Variants in SH3BGRL2 observed in about 807,000 individuals in gnomAD.
SH3BGRL2 encodes SH3 domain-binding glutamic acid-rich-like protein 2.
SH3BGRL2 carries 21 observed loss-of-function variants against 14.8 expected under a neutral mutation model. That is an observed-to-expected ratio of 1.42 (90% CI 1.01 to 2.05). SH3BGRL2 has a LOEUF of 2.05. Among genes scored for constraint, SH3BGRL2 ranks in the 30% most tolerant of loss-of-function variants. SH3BGRL2 has a pLI of 0.00. For synonymous variants in SH3BGRL2, 50 were observed against 47.8 expected (o/e 1.05, Z -0.19); for missense variants, 147 against 130.8 (o/e 1.12, Z -0.61).
At chr6:79,585,382 A>T in the SH3BGRL2 span, among the ~76,000 whole-genome samples, 1 of 152,172 alleles carries the variant, frequency 6.6e-6, no homozygotes, top group African/African-American at 2.4e-5. Context: ...TCAGAAAAAA[A>T]TTTGTCTAGT....
intron 1 of SH3BGRL2, among the ~76,000 whole-genome samples, chr6:79,665,060 C>T (rs1335785923): frequency 2.6e-5 from 4 of 152,056 alleles, no homozygotes; most frequent in Middle Eastern, 3.2e-3. Context: ...ATTAGCAAGG[C>T]GTCGTGGCGG....
At chr6:79,553,963 GTC>G in the SH3BGRL2 span, among the ~76,000 whole-genome samples, 1 of 137,336 alleles carries the variant, frequency 7.3e-6, no homozygotes, top group Non-Finnish European at 1.6e-5. Flanking sequence ...GCGAGACTCT[GTC>G]TCAAAAAAAA....
the SH3BGRL2 span, among the ~76,000 whole-genome samples, chr6:79,558,092 C>A: frequency 6.6e-6 from 1 of 152,154 alleles, no homozygotes; most frequent in Non-Finnish European, 1.5e-5. Flanking sequence ...CATTGTTTTG[C>A]TGTGACAGTC....
rs188075528 is a variant in SH3BGRL2, at chr6:79,683,727, G to A, written c.231+9928G>A. Among the ~76,000 whole-genome samples, 619 of 152,308 alleles carry A rather than the reference G, an allele frequency of 4.1e-3. 2 individuals carry two copies. Among genetic ancestry groups the A allele is most frequent in the African/African-American group, 7.5e-3 (311 of 41,566 alleles). Reference sequence around the variant, plus strand: ...CTCCCAAAGTGCTGGGATTACAGGCGTGAGCCACCGTGCTCGGCCGTAAAC... The same window carrying A: ...CTCCCAAAGTGCTGGGATTACAGGCATGAGCCACCGTGCTCGGCCGTAAAC... On this transcript the variant is annotated intron_variant, in intron 2 of 3. Transcript: ENST00000369838.
chr6:79,661,641 T>C (rs1582725111), intron 1 of SH3BGRL2, among the ~76,000 whole-genome samples: 1 of 152,314 alleles, frequency 6.6e-6, no homozygotes, highest in Non-Finnish European at 1.5e-5. Flanking sequence ...TAGATGTCTA[T>C]TAGGTCCGCT....
chr6:79,589,291 CAGAA>C, the SH3BGRL2 span, among the ~76,000 whole-genome samples: 2 of 149,454 alleles, frequency 1.3e-5, no homozygotes, highest in Non-Finnish European at 3.0e-5. Context: ...GATTCCAAAA[CAGAA>C]AGAGAAACTA....
At position 79,650,896 on chromosome 6, in the gene SH3BGRL2, A is replaced by C. The variant is rs915921828; in HGVS notation, c.45+19390A>C. ...ATTATATAAGGATAAATAATTATATAAAAATATATAAGTAATATATAAATA... is the reference window on the plus strand; with the variant it reads ...ATTATATAAGGATAAATAATTATATCAAAATATATAAGTAATATATAAATA... On this transcript the variant is annotated intron_variant, in intron 1 of 3. Coordinates refer to ENST00000369838, the MANE Select transcript of SH3BGRL2 (RefSeq NM_031469.4). Among the ~76,000 whole-genome samples the C allele has an allele frequency of 2.7e-4, 41 of 149,126 alleles. 1 individual carries two copies. Among genetic ancestry groups the C allele is most frequent in the Admixed American group, 2.6e-3 (38 of 14,864 alleles).
At chr6:79,615,622 C>T in the SH3BGRL2 span, among the ~76,000 whole-genome samples, 4 of 152,116 alleles carry the variant, frequency 2.6e-5, no homozygotes, top group Non-Finnish European at 2.9e-5. Context: ...AGATGCCTAG[C>T]GTACTACTTG....
chr6:79,673,783 G>A lies in SH3BGRL2; in HGVS notation c.215G>A (p.Gly72Asp). The A allele has an allele frequency of 6.2e-7, 1 of 1,613,862 alleles. No individual in the cohort carries two copies. Among genetic ancestry groups the A allele is most frequent in the South Asian group, 1.1e-5 (1 of 91,036 alleles). ...GNPLPPQIFN[G>D]DRYCGDYDSF... ...CCCCTGCCACCTCAGATATTTAATGGCGACCGATACTGTGGAGTAAGTGGC... is the reference window on the plus strand; with the variant it reads ...CCCCTGCCACCTCAGATATTTAATGACGACCGATACTGTGGAGTAAGTGGC... The change falls in exon 2 of 4, where the codon GGC becomes GAC. Residue 72 changes from glycine to aspartate, a missense_variant. Physicochemically the swap from Gly to Asp is moderately conservative, Grantham distance 94. Transcript: ENST00000369838.
At chr6:79,674,086 G>GTA (rs1769833373) in intron 2 of SH3BGRL2, among the ~76,000 whole-genome samples, 2 of 143,324 alleles carry the variant, frequency 1.4e-5, no homozygotes, top group Non-Finnish European at 3.1e-5. Flanking sequence ...GAAGCTCTGT[G>GTA]TATGTGTGTA....
At chr6:79,667,248 A>C (rs920871185) in intron 1 of SH3BGRL2, among the ~76,000 whole-genome samples, 1 of 152,220 alleles carries the variant, frequency 6.6e-6, no homozygotes, top group African/African-American at 2.4e-5. Context: ...ATCTAATGGA[A>C]GTTAGATTGG....
At chr6:79,595,075 C>T in the SH3BGRL2 span, among the ~76,000 whole-genome samples, 1 of 152,124 alleles carries the variant, frequency 6.6e-6, no homozygotes, top group African/African-American at 2.4e-5. Flanking sequence ...CACCTGAGAT[C>T]AGGAGTTTGA....
chr6:79,565,531 G>T, the SH3BGRL2 span, among the ~76,000 whole-genome samples: 1 of 6,792 alleles, frequency 1.5e-4, no homozygotes, highest in African/African-American at 2.5e-4. Context: ...AGTTTATCCT[G>T]TTATTTGGTA....
At chr6:79,585,259 CTCCT>C in the SH3BGRL2 span, among the ~76,000 whole-genome samples, 2 of 151,922 alleles carry the variant, frequency 1.3e-5, no homozygotes, top group Non-Finnish European at 2.9e-5. Context: ...CTTCTTTCTT[CTCCT>C]TCCATTTTGT....
upstream of SH3BGRL2, among the ~76,000 whole-genome samples, chr6:79,627,437 A>G (rs1433366442): frequency 6.6e-6 from 1 of 152,178 alleles, no homozygotes; most frequent in Non-Finnish European, 1.5e-5. Context: ...TAACTTAAAT[A>G]ATATCCTAAA....
At chr6:79,678,128 TATTTTA>T (rs1380763393) in intron 2 of SH3BGRL2, among the ~76,000 whole-genome samples, 3 of 152,220 alleles carry the variant, frequency 2.0e-5, no homozygotes, top group Admixed American at 6.5e-5. Flanking sequence ...TTCTTATTTT[TATTTTA>T]AATTTTCTTT....
Position 79,673,612 on chromosome 6 carries a change from A to G in SH3BGRL2, c.46-2A>G. On this transcript the variant is annotated splice_acceptor_variant, in intron 1 of 3. Transcript: ENST00000369838. LOFTEE classifies it high-confidence loss of function. ...ACTTATTTGTTTGTCTTCTCTCTTTAGATAAAGAAGAAGCAGCAAGATGTG... is the reference window on the plus strand; with the variant it reads ...ACTTATTTGTTTGTCTTCTCTCTTTGGATAAAGAAGAAGCAGCAAGATGTG... 1 of 1,613,590 alleles carries G rather than the reference A, an allele frequency of 6.2e-7. No individual in the cohort carries two copies. The highest frequency in any genetic ancestry group is 8.5e-7 in the Non-Finnish European group (1 of 1,179,762).
At chr6:79,664,851 A>G (rs1403695362) in intron 1 of SH3BGRL2, among the ~76,000 whole-genome samples, 1 of 152,244 alleles carries the variant, frequency 6.6e-6, no homozygotes, top group Non-Finnish European at 1.5e-5. Flanking sequence ...AAATCTGTGT[A>G]AAGTCCCTGT....
At chr6:79,696,834 G>C (rs1429423411) in intron 3 of SH3BGRL2, among the ~76,000 whole-genome samples, 1 of 151,812 alleles carries the variant, frequency 6.6e-6, no homozygotes, top group Admixed American at 6.6e-5. Context: ...AGAATTTAAG[G>C]TAGCAAAAAC....
Sources: gnomAD v4.1 joint callset for allele counts (sites outside exome capture counted in the v4.1 genomes callset) on GRCh38, gnomAD v4.1.1 for gene constraint, MANE v1.5 for transcripts, NCBI Gene and HGNC (gene_info 2026-07-23, HGNC 2026-07-21) for gene names.